Variants in NAV2 observed in about 807,000 individuals in gnomAD.
The protein encoded by NAV2 is neuron navigator 2, also known as helicase, APC down-regulated 1.
In NAV2, 54 loss-of-function variants were observed where a neutral mutation model predicts 223.2. That is an observed-to-expected ratio of 0.24 (90% confidence interval 0.19 to 0.30). NAV2 has a LOEUF of 0.30. Ranked by LOEUF, NAV2 falls within the 10% of genes least tolerant of loss-of-function variation. NAV2 has a pLI of 1.00. For synonymous variants in NAV2, 1,279 were observed against 1,239.3 expected (o/e 1.03, Z -0.67); for missense variants, 2,806 against 3,147.5 (o/e 0.89, Z 2.60).
chr11:19,833,065 C>T (rs1034105525), intron 2 of NAV2, among the ~76,000 whole-genome samples: 16 of 152,316 alleles, frequency 1.1e-4, no homozygotes, highest in South Asian at 8.3e-4. Context: ...TTAGATGGTC[C>T]GGGTTAATAC....
Position 20,051,298 on chromosome 11 carries a change from C to A in NAV2, c.4446C>A (p.His1482Gln), listed in dbSNP as rs1181950152. 6.2e-7 allele frequency: 1 copy of A among 1,614,092 alleles called. No individual in the cohort carries two copies. Among genetic ancestry groups the A allele is most frequent in the Admixed American group, 1.7e-5 (1 of 60,038 alleles). Residue 1482 changes from histidine (H) to glutamine (Q), a missense_variant, in exon 17 of 38, where the codon CAC (histidine) becomes CAA (glutamine). Around this residue, in one of 4 missense-constraint regions of NAV2, gnomAD observed 742 missense variants for 777.9 expected, o/e 0.95. Transcript: ENST00000349880. ...TLPRKQDSDP[H>Q]LDRNTLPKKG... ...TTTAACTTTCCTACAGTGACCCGCACCTTGATAGGAACACTTTGCCTAAGA... is the reference window on the plus strand; with the variant it reads ...TTTAACTTTCCTACAGTGACCCGCAACTTGATAGGAACACTTTGCCTAAGA...
chr11:19,753,026 T>C (rs971530869), intron 1 of NAV2, among the ~76,000 whole-genome samples: 1 of 152,160 alleles, frequency 6.6e-6, no homozygotes, highest in African/African-American at 2.4e-5. Flanking sequence ...CTTTCCACCA[T>C]GTGAAAATAA....
At chr11:19,859,908 G>A (rs1478250529) in intron 3 of NAV2, among the ~76,000 whole-genome samples, 205 of 99,110 alleles carry the variant, frequency 2.1e-3, no homozygotes, top group East Asian at 0.012. Context: ...GCGGCTGGCC[G>A]GGCAGAGGGG....
chr11:19,695,529 C>T (rs2049304773), intron 1 of NAV2, among the ~76,000 whole-genome samples: 1 of 152,132 alleles, frequency 6.6e-6, no homozygotes, highest in South Asian at 2.1e-4. Context: ...TGATTGGCTG[C>T]AGGGTGCAAG....
chr11:19,765,378 T>TCTCCTTCCTTCC (rs2055122110), intron 1 of NAV2, among the ~76,000 whole-genome samples: 1 of 144,240 alleles, frequency 6.9e-6, no homozygotes. Flanking sequence ...TCTTCCCTTC[T>TCTCCTTCCTTCC]TTCCTTCCTT....
intron 11 of NAV2, among the ~76,000 whole-genome samples, chr11:20,029,573 T>C (rs2055491741): frequency 6.6e-6 from 1 of 152,346 alleles, no homozygotes; most frequent in East Asian, 1.9e-4. Context: ...TTGTCTGTTA[T>C]GTCTACTGGA....
At chr11:19,735,610 A>T (rs183067578) in intron 1 of NAV2, among the ~76,000 whole-genome samples, 38 of 152,306 alleles carry the variant, frequency 2.5e-4, no homozygotes, top group African/African-American at 7.9e-4. Flanking sequence ...TATATAGCTA[A>T]ATCAGAGCCA....
At chr11:19,967,281 C>A (rs1046572144) in intron 10 of NAV2, among the ~76,000 whole-genome samples, 2 of 152,052 alleles carry the variant, frequency 1.3e-5, no homozygotes, top group African/African-American at 4.8e-5. Context: ...CAAAGCCTAA[C>A]CTTCAACTGG....
intron 1 of NAV2, among the ~76,000 whole-genome samples, chr11:19,761,689 T>C (rs1181579175): frequency 6.6e-6 from 1 of 152,198 alleles, no homozygotes; most frequent in African/African-American, 2.4e-5. Context: ...AGCCATTTCC[T>C]AGGGGAGAGG....
chr11:19,868,902 A>G, intron 3 of NAV2, 23 bp from the exon 4 acceptor site: 1 of 1,610,740 alleles, frequency 6.2e-7, no homozygotes, highest in Non-Finnish European at 8.5e-7. Flanking sequence ...TATTAAGTAT[A>G]TATTGTTGTT....
intron 11 of NAV2, among the ~76,000 whole-genome samples, chr11:20,003,533 G>A (rs989373259): frequency 5.9e-5 from 9 of 152,250 alleles, no homozygotes; most frequent in South Asian, 4.1e-4. Flanking sequence ...ATGACTCAGC[G>A]TGCCAGGTGT....
chr11:19,865,149 G>T (rs2062016961), intron 3 of NAV2, among the ~76,000 whole-genome samples: 1 of 152,186 alleles, frequency 6.6e-6, no homozygotes, highest in Non-Finnish European at 1.5e-5. Context: ...TGCTGTTTAA[G>T]AGTCTTTTCT....
At chr11:19,629,536 C>G (rs1427877494) in intron 1 of NAV2, among the ~76,000 whole-genome samples, 2 of 135,422 alleles carry the variant, frequency 1.5e-5, no homozygotes, top group African/African-American at 6.4e-5. Flanking sequence ...TTTTCTCTCT[C>G]TCTCTGACAC....
At chr11:19,973,219 A>G (rs1358082806) in intron 10 of NAV2, among the ~76,000 whole-genome samples, 1 of 152,162 alleles carries the variant, frequency 6.6e-6, no homozygotes, top group Non-Finnish European at 1.5e-5. Flanking sequence ...GGGGGGGTCT[A>G]CATGAACCCA....
At chr11:19,938,952 G>C (rs553436641) in intron 7 of NAV2, among the ~76,000 whole-genome samples, 10 of 152,250 alleles carry the variant, frequency 6.6e-5, no homozygotes, top group Non-Finnish European at 1.3e-4. Context: ...TCATGCATCT[G>C]AGTGTAATTA....
At chr11:19,867,968 C>T (rs532789416) in intron 3 of NAV2, among the ~76,000 whole-genome samples, 7 of 152,018 alleles carry the variant, frequency 4.6e-5, no homozygotes, top group South Asian at 4.2e-4. Flanking sequence ...GTTGAAGAAA[C>T]GAGAAGGGTC....
intron 17 of NAV2, among the ~76,000 whole-genome samples, chr11:20,053,800 C>T (rs1204276551): frequency 6.6e-6 from 1 of 152,226 alleles, no homozygotes; most frequent in Non-Finnish European, 1.5e-5. Context: ...CAACATGTTA[C>T]AGATACGCCC....
At chr11:19,892,685 A>AG (rs1210058282) in intron 6 of NAV2, 91 bp downstream of exon 6, 2 of 1,395,298 alleles carry the variant, frequency 1.4e-6, no homozygotes, top group Non-Finnish European at 1.9e-6. Flanking sequence ...GGTCATGGGG[A>AG]GGGGTTGCAT....
At chr11:19,914,185 C>T (rs956802123) in intron 6 of NAV2, among the ~76,000 whole-genome samples, 6 of 152,214 alleles carry the variant, frequency 3.9e-5, no homozygotes, top group African/African-American at 1.4e-4. Flanking sequence ...AGTCATTTGC[C>T]AGCCATTAAA....
Sources: gnomAD v4.1 joint callset for allele counts (sites outside exome capture counted in the v4.1 genomes callset) on GRCh38, gnomAD v4.1.1 for gene constraint, gnomAD v4.1.1 regional missense constraint, MANE v1.5 for transcripts, NCBI Gene and HGNC (gene_info 2026-07-23, HGNC 2026-07-21) for gene names.